The following GPHN variants were observed in gnomAD, a reference collection of about 807,000 sequenced individuals.
The protein encoded by GPHN is gephyrin.
GPHN carries 17 observed loss-of-function variants against 95.5 expected under a neutral mutation model. The observed-to-expected ratio is 0.18, with a 90% CI of 0.12 to 0.27. GPHN has a LOEUF of 0.27. Ranked by LOEUF, GPHN falls within the 10% of genes least tolerant of loss-of-function variation. GPHN has a pLI of 1.00. For missense variants in GPHN, 660 were observed against 978.1 expected, an observed-to-expected ratio of 0.67 and a Z score of 4.34; for synonymous variants, 320 against 322.5, an observed-to-expected ratio of 0.99 and a Z score of 0.08.
At chr14:67,349,692 C>A in the GPHN span, among the ~76,000 whole-genome samples, 8 of 152,232 alleles carry the variant, frequency 5.3e-5, no homozygotes, top group South Asian at 1.7e-3. Flanking sequence ...AGTCTCATAA[C>A]CCAATCTCAA....
chr14:67,288,000 TG>T, the GPHN span, among the ~76,000 whole-genome samples: 3 of 152,218 alleles, frequency 2.0e-5, no homozygotes, highest in Non-Finnish European at 4.4e-5. Context: ...GGGCTGTCTA[TG>T]GCTGCTTGTT....
chr14:66,972,351 T>G (rs2069863513), intron 9 of GPHN, among the ~76,000 whole-genome samples: 2 of 151,910 alleles, frequency 1.3e-5, no homozygotes, highest in South Asian at 2.1e-4. Flanking sequence ...AGTTTTTTCT[T>G]AAATTGACAG....
chr14:66,520,719 T>C (rs2058445368), intron 1 of GPHN, among the ~76,000 whole-genome samples: 1 of 152,012 alleles, frequency 6.6e-6, no homozygotes, highest in Non-Finnish European at 1.5e-5. Context: ...TTTTAAACTT[T>C]TATTTTAGTT....
chr14:66,637,336 A>G (rs1472217017), intron 1 of GPHN, among the ~76,000 whole-genome samples: 2 of 152,130 alleles, frequency 1.3e-5, no homozygotes, highest in East Asian at 1.9e-4. Flanking sequence ...ACAAATTTTT[A>G]TATCTTTCCA....
At chr14:67,168,598 G>A (rs889384734) in intron 20 of GPHN, among the ~76,000 whole-genome samples, 2 of 152,108 alleles carry the variant, frequency 1.3e-5, no homozygotes, top group Non-Finnish European at 2.9e-5. Flanking sequence ...TATAAAACTT[G>A]TAAACGGCTT....
At chr14:66,748,514 C>T (rs2058246696) in intron 2 of GPHN, among the ~76,000 whole-genome samples, 1 of 151,770 alleles carries the variant, frequency 6.6e-6, no homozygotes, top group Non-Finnish European at 1.5e-5. Flanking sequence ...ATTGAAGCTA[C>T]ATTGACGTAT....
the GPHN span, among the ~76,000 whole-genome samples, chr14:67,464,608 C>G: frequency 2.0e-5 from 3 of 152,144 alleles, 1 homozygote; most frequent in South Asian, 6.2e-4. Context: ...GCTGTTTCCT[C>G]TGCACAAAAC....
the GPHN span, among the ~76,000 whole-genome samples, chr14:67,346,648 T>G: frequency 6.6e-6 from 1 of 152,182 alleles, no homozygotes; most frequent in African/African-American, 2.4e-5. Flanking sequence ...AGTTAATACT[T>G]TACTTTGGAA....
the GPHN span, among the ~76,000 whole-genome samples, chr14:67,356,398 G>A: frequency 6.7e-6 from 1 of 149,730 alleles, no homozygotes; most frequent in Non-Finnish European, 1.5e-5. Context: ...TCCAGCCTGG[G>A]CAACAGAGGG....
chr14:67,277,083 A>G, the GPHN span, among the ~76,000 whole-genome samples: 2 of 152,212 alleles, frequency 1.3e-5, no homozygotes, highest in Admixed American at 1.3e-4. Flanking sequence ...TAACTCCTAC[A>G]TAATTTTTCT....
chr14:66,977,356 G>T (rs530296029), intron 9 of GPHN, among the ~76,000 whole-genome samples: 1 of 151,974 alleles, frequency 6.6e-6, no homozygotes, highest in Non-Finnish European at 1.5e-5. Flanking sequence ...ACTTGAACCC[G>T]GGAGGCGGAG....
At chr14:67,705,500 C>G in the GPHN span, among the ~76,000 whole-genome samples, 1 of 152,218 alleles carries the variant, frequency 6.6e-6, no homozygotes, top group Non-Finnish European at 1.5e-5. Flanking sequence ...ATTTGGAAGA[C>G]TGCCAAACGT....
the GPHN span, chr14:67,397,886 G>C: frequency 7.1e-7 from 1 of 1,416,594 alleles, no homozygotes; most frequent in East Asian, 2.4e-5. Context: ...TGGTGTTCAG[G>C]GAGGGGGTGT....
intron 1 of GPHN, among the ~76,000 whole-genome samples, chr14:66,551,529 G>A (rs372660781): frequency 5.3e-5 from 8 of 152,104 alleles, no homozygotes; most frequent in Admixed American, 1.3e-4. Flanking sequence ...GTTGCTCTTC[G>A]GATATTCACA....
chr14:66,711,664 A>T (rs924870442), intron 2 of GPHN, among the ~76,000 whole-genome samples: 2 of 149,860 alleles, frequency 1.3e-5, no homozygotes, highest in African/African-American at 4.9e-5. Flanking sequence ...TTACATAGGT[A>T]TACATGTGCC....
chr14:66,607,648 G>A (rs925087494), intron 1 of GPHN, among the ~76,000 whole-genome samples: 8 of 151,510 alleles, frequency 5.3e-5, no homozygotes, highest in African/African-American at 1.9e-4. Flanking sequence ...TTTTTTGTTG[G>A]TAGGTTTTTA....
At chr14:67,602,169 G>T in the GPHN span, among the ~76,000 whole-genome samples, 2 of 152,208 alleles carry the variant, frequency 1.3e-5, no homozygotes, top group Non-Finnish European at 2.9e-5. Context: ...GGCTGGCAAG[G>T]CCTCAGGAAA....
chr14:67,158,308 A>C (rs1296597869), intron 18 of GPHN, among the ~76,000 whole-genome samples: 4 of 120,578 alleles, frequency 3.3e-5, no homozygotes, highest in Non-Finnish European at 7.5e-5. Context: ...ACTCCATCTC[A>C]AAAAAAAAAA....
At chr14:66,676,224 T>C in intron 1 of GPHN, among the ~76,000 whole-genome samples, 1 of 152,106 alleles carries the variant, frequency 6.6e-6, no homozygotes, top group Non-Finnish European at 1.5e-5. Context: ...GTCTTCAGGA[T>C]TTTTTATATG....
Sources: gnomAD v4.1 joint callset for allele counts (sites outside exome capture counted in the v4.1 genomes callset) on GRCh38, gnomAD v4.1.1 for gene constraint, MANE v1.5 for transcripts, NCBI Gene and HGNC (gene_info 2026-07-23, HGNC 2026-07-21) for gene names.